The following ARHGEF18 variants were observed in gnomAD, a reference collection of about 807,000 sequenced individuals.
The protein encoded by ARHGEF18 is rho guanine nucleotide exchange factor 18.
Under a neutral mutation model 155.7 loss-of-function variants are expected in ARHGEF18, and 93 were observed. That is an observed-to-expected ratio of 0.60 (90% CI 0.50 to 0.71). The LOEUF (loss-of-function observed/expected upper bound fraction) is 0.71, where lower values mean the gene tolerates loss of function less well. Among genes scored for constraint, ARHGEF18 ranks in the 30% least tolerant of loss-of-function variants. The pLI is 0.00. For missense variants in ARHGEF18, 1,593 were observed against 1,816.1 expected (o/e 0.88, Z 2.23); for synonymous variants, 742 against 753.1 (o/e 0.99, Z 0.24).
At chr19:7,399,237 G>C (rs544124643) in intron 10 of ARHGEF18, among the ~76,000 whole-genome samples, 1 of 152,294 alleles carries the variant, frequency 6.6e-6, no homozygotes, top group South Asian at 2.1e-4. Context: ...GGAATTTTTT[G>C]AGGGGAGGAT....
chr19:7,426,678 G>A (rs1279632623), intron 10 of ARHGEF18, among the ~76,000 whole-genome samples: 1 of 152,110 alleles, frequency 6.6e-6, no homozygotes, highest in Middle Eastern at 3.4e-3. Flanking sequence ...CAGAAATGCC[G>A]CTGCCGTGGC....
At position 7,378,375 on chromosome 19, in the gene ARHGEF18, G is replaced by C; in HGVS notation, c.542-19G>C. 8 of 1,234,348 alleles carry C rather than the reference G, an allele frequency of 6.5e-6. No homozygotes were observed. Among genetic ancestry groups the C allele is most frequent in the Non-Finnish European group, 7.1e-6 (7 of 988,170 alleles). 76.5% of individuals were successfully genotyped at this position (1,234,348 alleles called of 1,614,324 possible). A position where few individuals can be genotyped will look rare whatever the true frequency, so the allele number is the denominator to read the frequency against. On this transcript the variant is annotated intron_variant, in intron 5 of 28. Transcript: ENST00000668164. ...AGCTCCTGACAACTGTGCTTCCTGGGATGGGGGGCTTCTTCCAGGCCTGGA... is the reference window on the plus strand; with the variant it reads ...AGCTCCTGACAACTGTGCTTCCTGGCATGGGGGGCTTCTTCCAGGCCTGGA...
chr19:7,385,928 C>T (rs1971033358), intron 10 of ARHGEF18, among the ~76,000 whole-genome samples: 1 of 97,608 alleles, frequency 1.0e-5, no homozygotes, highest in African/African-American at 4.5e-5. Context: ...CTCTCTCTCT[C>T]TCTCTCTCCC....
chr19:7,429,612 T>TAAATAAATAAAAATAAAC (rs1159496026), intron 10 of ARHGEF18, among the ~76,000 whole-genome samples: 1 of 151,944 alleles, frequency 6.6e-6, no homozygotes, highest in African/African-American at 2.4e-5. Context: ...CAAAAATAAA[T>TAAATAAATAAAAATAAAC]AAATAAATAA....
At position 7,463,585 on chromosome 19, in the gene ARHGEF18, A is replaced by G. The variant is rs1976421650; in HGVS notation, c.2636-233A>G. Among the ~76,000 whole-genome samples, 1 of 152,144 alleles carries G rather than the reference A, an allele frequency of 6.6e-6. No homozygotes were observed. The highest frequency in any genetic ancestry group is 1.5e-5 in the Non-Finnish European group (1 of 68,020). ...TACCCGCCCTCCCCATGGCTGCCCC[A>G]CAGCCCTGTCCTCTCACTTAGACGC... is the stretch of plus-strand genomic sequence containing the variant. On this transcript the variant is annotated intron_variant, in intron 21 of 28. Transcript: ENST00000668164. The surrounding 1 kb of genome is among the most constrained non-coding windows in gnomAD (Gnocchi z 5.2).
At chr19:7,425,422 G>A (rs1230950667) in intron 10 of ARHGEF18, among the ~76,000 whole-genome samples, 3 of 152,122 alleles carry the variant, frequency 2.0e-5, no homozygotes, top group Admixed American at 6.6e-5. Flanking sequence ...AGTGGTTCAC[G>A]CCTGTAATCC....
intron 2 of ARHGEF18, among the ~76,000 whole-genome samples, chr19:7,368,676 G>A (rs930109427): frequency 6.6e-5 from 10 of 152,148 alleles, no homozygotes; most frequent in African/African-American, 2.2e-4. Flanking sequence ...CTGTCCTGAC[G>A]TGTTTATATT....
At chr19:7,352,695 G>A (rs1307200692) in intron 1 of ARHGEF18, among the ~76,000 whole-genome samples, 40 of 150,776 alleles carry the variant, frequency 2.7e-4, no homozygotes, top group Middle Eastern at 3.4e-3. Context: ...CACCACGCCC[G>A]GCTATTTTTT....
intron 10 of ARHGEF18, among the ~76,000 whole-genome samples, chr19:7,386,209 G>A (rs1350574653): frequency 1.4e-5 from 2 of 143,016 alleles, no homozygotes; most frequent in Non-Finnish European, 3.1e-5. Flanking sequence ...TCGTTTGTTT[G>A]TAGAGACGGG....
Position 7,440,075 on chromosome 19 carries a change from G to T in ARHGEF18, c.968-269G>T. On this transcript the variant is annotated intron_variant, in intron 10 of 28. Coordinates refer to ENST00000668164, the MANE Select transcript of ARHGEF18 (RefSeq NM_001367823.1). This position sits in a 1 kb window ranked among gnomAD's most constrained non-coding sequence, Gnocchi z 5.4. ...ACGGCGCAGCCCAGCCTGGCGCCGC[G>T]CCGGGTCCCGGAGCCCCGGGCGCGA... is the stretch of plus-strand genomic sequence containing the variant. 1 of 1,550,384 alleles carries T rather than the reference G, an allele frequency of 6.5e-7. No homozygotes were observed. Among genetic ancestry groups the T allele is most frequent in the Non-Finnish European group, 8.7e-7 (1 of 1,146,562 alleles).
Position 7,415,985 on chromosome 19 carries a change from G to A in ARHGEF18, c.968-24359G>A, listed in dbSNP as rs534951439. 3.9e-5 allele frequency among the ~76,000 whole-genome samples: 6 copies of A among 152,288 alleles called. No individual in the cohort carries two copies. In the South Asian group the frequency reaches 8.3e-4, roughly 21 times the overall value. ...CACAGGTTCCCAGCTGAGGCTGAGC[G>A]AGGCGACACTCCACCTTCTCGTTCA... On this transcript the variant is annotated intron_variant, in intron 10 of 28. Transcript: ENST00000668164.
intron 10 of ARHGEF18, among the ~76,000 whole-genome samples, chr19:7,425,722 G>A (rs963980620): frequency 9.9e-5 from 15 of 150,950 alleles, no homozygotes; most frequent in East Asian, 1.9e-4. Flanking sequence ...ATGAGAGGCC[G>A]GGCACAGTGG....
chr19:7,384,531 CTT>C (rs1457783071), intron 10 of ARHGEF18, among the ~76,000 whole-genome samples: 1 of 152,206 alleles, frequency 6.6e-6, no homozygotes, highest in East Asian at 1.9e-4. Context: ...ATTTTCCTCT[CTT>C]TCTGCAGTGC....
chr19:7,468,528 G>T (rs576213449), intron 26 of ARHGEF18, among the ~76,000 whole-genome samples: 1 of 152,364 alleles, frequency 6.6e-6, no homozygotes, highest in Admixed American at 6.5e-5. Context: ...GACAGAGCAA[G>T]ACCGTGTCTC....
intron 10 of ARHGEF18, among the ~76,000 whole-genome samples, chr19:7,437,886 A>T (rs1194713755): frequency 6.6e-6 from 1 of 151,370 alleles, no homozygotes; most frequent in African/African-American, 2.4e-5. Context: ...CAGGTGATCC[A>T]CCCGCGTCGG....
rs756415148 is a variant in ARHGEF18, at chr19:7,467,278, A to G, written c.3074A>G (p.Lys1025Arg). The G allele has an allele frequency of 8.6e-5, 134 of 1,554,564 alleles. No individual in the cohort carries two copies. Among genetic ancestry groups the G allele is most frequent in the Non-Finnish European group, 1.1e-4 (130 of 1,152,838 alleles). The change falls in exon 26 of 29, where the codon AAG (lysine) becomes AGG (arginine). Residue 1025 changes from lysine to arginine, a missense_variant. By Grantham distance (26) the Lys-to-Arg change is conservative. Transcript: ENST00000668164. ...TQRAAIQERE[K>R]QFRLQSTRGN... ...CGGGCTGCCATCCAGGAGCGGGAGA[A>G]GCAGTTCCGGCTGCAGTCGACGCGT...
chr19:7,415,753 G>A (rs992071555), intron 10 of ARHGEF18, among the ~76,000 whole-genome samples: 1 of 151,978 alleles, frequency 6.6e-6, no homozygotes, highest in South Asian at 2.1e-4. Context: ...AGCTCCTGGA[G>A]TTTCCCTTCT....
chr19:7,468,123 C>T (rs1454208704), intron 26 of ARHGEF18, among the ~76,000 whole-genome samples: 1 of 152,030 alleles, frequency 6.6e-6, no homozygotes, highest in Non-Finnish European at 1.5e-5. Context: ...ATCACTTGAG[C>T]CCGGGAGAAT....
At chr19:7,390,145 A>G (rs977103114) in intron 10 of ARHGEF18, among the ~76,000 whole-genome samples, 1 of 152,158 alleles carries the variant, frequency 6.6e-6, no homozygotes, top group African/African-American at 2.4e-5. Context: ...ACAGTTAGCT[A>G]TGATTTGCCA....
Sources: allele counts gnomAD v4.1 joint callset (sites outside exome capture counted in the v4.1 genomes callset), GRCh38; gene constraint gnomAD v4.1.1; non-coding constraint Gnocchi (gnomAD v3.1); transcripts MANE v1.5; gene names NCBI Gene and HGNC (gene_info 2026-07-23, HGNC 2026-07-21).